Variants in CPT1C observed in about 807,000 individuals in gnomAD.
CPT1C encodes carnitine palmitoyltransferase 1C.
Under a neutral mutation model 97.3 loss-of-function variants are expected in CPT1C, and 61 were observed. That is an observed-to-expected ratio of 0.63 (90% CI 0.51 to 0.78). CPT1C has a LOEUF of 0.78. CPT1C is among the 30% of genes least tolerant of loss of function. The pLI is 0.00. For missense variants in CPT1C, 975 were observed against 1,065.5 expected (o/e 0.92, Z 1.18); for synonymous variants, 469 against 447.2 (o/e 1.05, Z -0.61).
At chr19:49,710,103 C>T (rs1013115540) in intron 14 of CPT1C, among the ~76,000 whole-genome samples, 3 of 152,206 alleles carry the variant, frequency 2.0e-5, no homozygotes, top group Non-Finnish European at 4.4e-5. Flanking sequence ...CCGCCTCGGC[C>T]TCCCAAAGTG....
chr19:49,701,641 CCCGCCACCG>C lies in CPT1C; in HGVS notation c.693+10_693+18del. Reference sequence around the variant, plus strand: ...CTGGTGGGCGTCCAATTATGTGAGTCCCGCCACCGCCACCAACGCCCCACCTGAAGGGCT... The same window carrying C: ...CTGGTGGGCGTCCAATTATGTGAGTCCCACCAACGCCCCACCTGAAGGGCT... On this transcript the variant is annotated splice_region_variant and intron_variant, in intron 7 of 19. Coordinates refer to ENST00000598293, the MANE Select transcript of CPT1C (RefSeq NM_001199753.2). 1 of 1,587,962 alleles carries C rather than the reference CCCGCCACCG, an allele frequency of 6.3e-7. No homozygotes were observed. Among genetic ancestry groups the C allele is most frequent in the Non-Finnish European group, 8.6e-7 (1 of 1,162,356 alleles).
Position 49,705,199 on chromosome 19 carries a change from C to T in CPT1C, c.880-15C>T. On this transcript the variant is annotated splice_polypyrimidine_tract_variant and intron_variant, in intron 9 of 19. Transcript: ENST00000598293. ...GGGTCCTGGAAGGCAGCTCACAGCC[C>T]ACGGTTTCCTGCAGACTTTGCTGAT... 4 of 1,614,046 alleles carry T rather than the reference C, an allele frequency of 2.5e-6. No individual in the cohort carries two copies. Among genetic ancestry groups the T allele is most frequent in the Non-Finnish European group, 3.4e-6 (4 of 1,179,976 alleles).
rs1452474859 is a variant in CPT1C at position 49,710,311 on chromosome 19, C to T, written c.1567-9C>T. On this transcript the variant is annotated splice_polypyrimidine_tract_variant and intron_variant, in intron 14 of 19. Transcript: ENST00000598293. ...CCCCAACTACTCCTCTTCCCTCCTCCTCTGGCAGATCCACTCCTCCATCTC... is the reference window on the plus strand; with the variant it reads ...CCCCAACTACTCCTCTTCCCTCCTCTTCTGGCAGATCCACTCCTCCATCTC... 1 of 1,613,348 alleles carries T rather than the reference C, an allele frequency of 6.2e-7. No homozygotes were observed. Among genetic ancestry groups the T allele is most frequent in the African/African-American group, 1.3e-5 (1 of 74,928 alleles).
At chr19:49,692,130 T>TGGGG (rs1223521511) in intron 2 of CPT1C, 109 bp from the exon 3 acceptor site, 2 of 1,122,560 alleles carry the variant, frequency 1.8e-6, no homozygotes, top group East Asian at 5.3e-5. Context: ...GAGGAGGGAC[T>TGGGG]GGGGCCTGGA....
At chr19:49,697,214 G>A (rs2082721176) in intron 3 of CPT1C, 112 bp from the exon 4 acceptor site, 4 of 1,371,348 alleles carry the variant, frequency 2.9e-6, no homozygotes, top group Non-Finnish European at 4.1e-6. Flanking sequence ...TAGATCTTGA[G>A]CCTCCAGCTC....
At position 49,700,868 on chromosome 19, in the gene CPT1C, C is replaced by A; in HGVS notation, c.453+13C>A. The A allele has an allele frequency of 6.2e-7, 1 of 1,610,108 alleles. No individual in the cohort carries two copies. The highest frequency in any genetic ancestry group is 2.2e-5 in the East Asian group (1 of 44,876). On this transcript the variant is annotated intron_variant, in intron 5 of 19. Coordinates refer to ENST00000598293, the MANE Select transcript of CPT1C (RefSeq NM_001199753.2). ...CAAGACCTGGCTGGTATGGGAGGGG[C>A]ATAGCCCTGCTCAGGCTCTCCTGGG...
At chr19:49,698,720 G>T (rs1353035311) in intron 4 of CPT1C, among the ~76,000 whole-genome samples, 1 of 152,054 alleles carries the variant, frequency 6.6e-6, no homozygotes, top group Non-Finnish European at 1.5e-5. Flanking sequence ...CTTAGGCAAG[G>T]ATCTCATCGT....
chr19:49,711,050 T>G (rs1568543361), intron 16 of CPT1C, 193 bp downstream of exon 16: 2 of 523,026 alleles, frequency 3.8e-6, no homozygotes, highest in Non-Finnish European at 6.6e-6. Flanking sequence ...ATATCTGCTT[T>G]CATGGTGGTC....
intron 13 of CPT1C, 44 bp downstream of exon 13, chr19:49,707,667 T>C (rs2083582546): frequency 7.4e-7 from 1 of 1,343,226 alleles, no homozygotes; most frequent in Non-Finnish European, 1.0e-6. Context: ...CCCTGCCCCA[T>C]CTCCAAAGAC....
chr19:49,695,584 CTTTT>C (rs71180646), intron 3 of CPT1C, among the ~76,000 whole-genome samples: 5 of 93,164 alleles, frequency 5.4e-5, no homozygotes, highest in Non-Finnish European at 3.9e-5. Context: ...TGCACCTGGC[CTTTT>C]TTTTTTTTTT....
intron 13 of CPT1C, 121 bp from the exon 14 acceptor site, chr19:49,708,602 G>A: frequency 1.3e-6 from 1 of 759,310 alleles, no homozygotes; most frequent in South Asian, 1.4e-5. Flanking sequence ...GAATATCAGA[G>A]GTTTCTGTTT....
chr19:49,697,248 T>C (rs1425966122), intron 3 of CPT1C, 78 bp from the exon 4 acceptor site: 14 of 1,587,070 alleles, frequency 8.8e-6, no homozygotes, highest in Non-Finnish European at 1.2e-5. Flanking sequence ...GGGTGCTCAG[T>C]AATGTCTGGG....
chr19:49,709,867 A>C (rs987992800), intron 14 of CPT1C, among the ~76,000 whole-genome samples: 8 of 128,936 alleles, frequency 6.2e-5, no homozygotes, highest in Non-Finnish European at 1.6e-5. Flanking sequence ...TTTTTTTTTG[A>C]GACGGAGTCT....
At chr19:49,698,531 TG>T (rs2082801973) in intron 4 of CPT1C, among the ~76,000 whole-genome samples, 1 of 150,306 alleles carries the variant, frequency 6.7e-6, no homozygotes, top group Non-Finnish European at 1.5e-5. Flanking sequence ...GGTGTGGTGG[TG>T]CGCGCCTGTA....
chr19:49,707,647 T>C (rs1317461522), intron 13 of CPT1C, 24 bp downstream of exon 13: 1 of 1,518,036 alleles, frequency 6.6e-7, no homozygotes, highest in Non-Finnish European at 9.1e-7. Flanking sequence ...CCCTCCCTGG[T>C]TCTGGGGACC....
chr19:49,705,855 AT>A, intron 10 of CPT1C, 53 bp from the exon 11 acceptor site: 1 of 1,502,866 alleles, frequency 6.7e-7, no homozygotes, highest in Non-Finnish European at 9.1e-7. Flanking sequence ...AATGGTCACT[AT>A]TTTTATGTGT....
Position 49,713,085 on chromosome 19 carries a change from C to A in CPT1C, c.2226+21C>A, listed in dbSNP as rs535750520. On this transcript the variant is annotated intron_variant, in intron 19 of 19. Transcript: ENST00000598293. ...AAACGGTGAGACAAACGTGTATACC[C>A]ACCAACTCCCTCTTTCCTCAGGAAC... 4 of 1,583,864 alleles carry A rather than the reference C, an allele frequency of 2.5e-6. No individual in the cohort carries two copies. The South Asian group carries it at 3.3e-5, about 13-fold the overall frequency.
Position 49,711,896 on chromosome 19 carries a change from C to G in CPT1C, c.1954C>G (p.Arg652Gly). ...AGCCATGAGCGGGCAGGGAGTTGAC[C>G]GCCACCTGTTTGCGCTGTACATCGT... ...KAAMSGQGVD[R>G]HLFALYIVSR... Residue 652 changes from arginine (R) to glycine (G), a missense_variant, in exon 17 of 20, where the codon CGC becomes GGC. Arg to Gly is a moderately radical substitution (Grantham distance 125). Around this residue, in one of 3 missense-constraint regions of CPT1C, gnomAD observed 344 missense variants for 395.7 expected, o/e 0.87. Transcript: ENST00000598293. The G allele has an allele frequency of 6.2e-7, 1 of 1,614,168 alleles. No homozygotes were observed.
intron 19 of CPT1C, 91 bp downstream of exon 19, chr19:49,713,155 C>A: frequency 8.6e-7 from 1 of 1,162,962 alleles, no homozygotes; most frequent in Non-Finnish European, 1.3e-6. Flanking sequence ...ACCCAGGATT[C>A]CAGGCCCCAG....
Sources: allele counts gnomAD v4.1 joint callset (sites outside exome capture counted in the v4.1 genomes callset), GRCh38; gene constraint gnomAD v4.1.1; regional missense constraint gnomAD v4.1.1; transcripts MANE v1.5; gene names NCBI Gene and HGNC (gene_info 2026-07-23, HGNC 2026-07-21).